ST7: variants seen among roughly 807,000 people sequenced by gnomAD.
The protein encoded by ST7 is suppression of tumorigenicity 7.
A neutral mutation model predicts 78.7 loss-of-function variants in ST7; 28 were observed. The observed-to-expected ratio is 0.36, with a 90% confidence interval of 0.26 to 0.49. ST7 has a LOEUF of 0.49. ST7 is among the 20% of genes least tolerant of loss of function. The pLI, the probability that ST7 is intolerant of heterozygous loss-of-function variation, is 0.99. For missense variants in ST7, 418 were observed against 696.0 expected (o/e 0.60, Z 4.49); for synonymous variants, 247 against 249.6 (o/e 0.99, Z 0.10).
rs144812229 is a variant in ST7 at position 117,013,902 on chromosome 7, CTAGAATTTG to C, written c.151+60223_151+60231del. On this transcript the variant is annotated intron_variant, in intron 1 of 15. Transcript: ENST00000323984. The stretch of plus-strand genomic sequence containing the variant: ...GATCTGTTAAGTGATAATAGTAATC[CTAGAATTTG>C]TAGAATTTGTATTACGCACTTTTGA... Among the ~76,000 whole-genome samples, 679 of 152,044 alleles carry C rather than the reference CTAGAATTTG, an allele frequency of 4.5e-3. 4 individuals carry two copies. Among genetic ancestry groups the C allele is most frequent in the African/African-American group, 0.015 (639 of 41,518 alleles).
chr7:117,048,254 G>A (rs187758056), intron 1 of ST7, among the ~76,000 whole-genome samples: 4 of 151,332 alleles, frequency 2.6e-5, no homozygotes, highest in East Asian at 3.9e-4. Flanking sequence ...AGGGACATTC[G>A]GTATAACTTT....
At chr7:117,215,646 C>T (rs1434348664) in intron 13 of ST7, among the ~76,000 whole-genome samples, 1 of 152,210 alleles carries the variant, frequency 6.6e-6, no homozygotes, top group Non-Finnish European at 1.5e-5. Flanking sequence ...AGGTCCTGCT[C>T]ATCCTTTAGA....
chr7:117,072,342 GCTTA>G (rs1347130214), intron 1 of ST7: 3 of 151,896 alleles, frequency 2.0e-5, no homozygotes, highest in Middle Eastern at 3.2e-3. Context: ...CTTCTGAATG[GCTTA>G]CTTAAAGATT....
chr7:117,175,792 G>C (rs561601386), intron 10 of ST7, among the ~76,000 whole-genome samples: 2 of 152,208 alleles, frequency 1.3e-5, no homozygotes, highest in African/African-American at 4.8e-5. Context: ...GATATTATTC[G>C]CTATTATAAA....
chr7:117,084,702 A>C (rs1800013429), intron 1 of ST7, among the ~76,000 whole-genome samples: 2 of 152,230 alleles, frequency 1.3e-5, no homozygotes, highest in Non-Finnish European at 2.9e-5. Context: ...TGTTTTATGA[A>C]GATTCTATGA....
At chr7:117,099,129 TCATTTATTTCATTGACTC>T (rs1801373165) in intron 1 of ST7, among the ~76,000 whole-genome samples, 1 of 151,206 alleles carries the variant, frequency 6.6e-6, no homozygotes, top group South Asian at 2.1e-4. Flanking sequence ...GGTTTATTTT[TCATTTATTTCATTGACTC>T]CATTTATTTC....
chr7:117,179,894 G>A (rs1364800240), intron 10 of ST7, among the ~76,000 whole-genome samples: 1 of 152,188 alleles, frequency 6.6e-6, no homozygotes, highest in Non-Finnish European at 1.5e-5. Context: ...CTCAGATGTG[G>A]AAGAGTGGAG....
chr7:117,103,143 T>A (rs1364139074), intron 2 of ST7, among the ~76,000 whole-genome samples: 1 of 152,104 alleles, frequency 6.6e-6, no homozygotes, highest in Non-Finnish European at 1.5e-5. Flanking sequence ...ATCATCAAAA[T>A]GACAATACTC....
At chr7:117,046,129 G>A (rs1024357631) in intron 1 of ST7, among the ~76,000 whole-genome samples, 2 of 152,158 alleles carry the variant, frequency 1.3e-5, no homozygotes, top group African/African-American at 4.8e-5. Context: ...AGTGGTATAA[G>A]GAAGAGTCAG....
intron 1 of ST7, among the ~76,000 whole-genome samples, chr7:117,088,523 T>A (rs1175069507): frequency 6.6e-6 from 1 of 152,266 alleles, no homozygotes; most frequent in Non-Finnish European, 1.5e-5. Context: ...AACAATTATC[T>A]GTTCAAACAG....
rs570840725 is a variant in ST7 at position 116,982,760 on chromosome 7, A to G, written c.151+29069A>G. 3.3e-5 allele frequency among the ~76,000 whole-genome samples: 5 copies of G among 152,296 alleles called. No homozygotes were observed. In the South Asian group the frequency reaches 1.0e-3, roughly 32 times the overall value. On this transcript the variant is annotated intron_variant, in intron 1 of 15. Coordinates refer to ENST00000323984, the MANE Select transcript of ST7 (RefSeq NM_001369598.1). ...GATCCCTTTTTCATTTTAGTGGAGAAAAATATTTAGAAGCCAAGATCTGGG... is the reference window on the plus strand; with the variant it reads ...GATCCCTTTTTCATTTTAGTGGAGAGAAATATTTAGAAGCCAAGATCTGGG...
intron 1 of ST7, among the ~76,000 whole-genome samples, chr7:117,067,682 G>A (rs1304675192): frequency 6.6e-6 from 1 of 152,126 alleles, no homozygotes; most frequent in African/African-American, 2.4e-5. Context: ...ATAATTGGAC[G>A]ATGCAAAGAT....
At chr7:116,980,709 G>GT (rs1279533144) in intron 1 of ST7, among the ~76,000 whole-genome samples, 8 of 152,144 alleles carry the variant, frequency 5.3e-5, no homozygotes, top group Non-Finnish European at 8.8e-5. Context: ...GTACAGTACA[G>GT]TTTTTTCTTC....
Position 117,119,735 on chromosome 7 carries a change from T to A in ST7, c.394+15T>A. 1.2e-6 allele frequency: 2 copies of A among 1,609,172 alleles called. No homozygotes were observed. The highest frequency in any genetic ancestry group is 1.7e-6 in the Non-Finnish European group (2 of 1,178,986). On this transcript the variant is annotated intron_variant, in intron 3 of 15. Transcript: ENST00000323984. ...AAGTGTCTCAGGTATGGAATTTCCT[T>A]CAGTTTGCAATATTATTTGCTTACT...
intron 13 of ST7, 121 bp downstream of exon 13, chr7:117,210,058 G>C: frequency 1.7e-6 from 2 of 1,166,010 alleles, no homozygotes; most frequent in Non-Finnish European, 2.3e-6. Flanking sequence ...TTCTGTGATG[G>C]CCCATCTAAG....
chr7:117,020,045 TGCGCAG>T (rs2116014526), intron 1 of ST7: 1 of 152,440 alleles, frequency 6.6e-6, no homozygotes, highest in South Asian at 2.1e-4. Context: ...GATGAAGAGC[TGCGCAG>T]GAGGGGAGTG....
intron 1 of ST7, among the ~76,000 whole-genome samples, chr7:117,077,048 G>A (rs1799398162): frequency 6.6e-6 from 1 of 152,154 alleles, no homozygotes; most frequent in African/African-American, 2.4e-5. Context: ...GGGACAGGGG[G>A]CTATGTAATC....
intron 1 of ST7, chr7:116,972,103 G>A: frequency 1.9e-6 from 1 of 537,314 alleles, no homozygotes; most frequent in Admixed American, 2.0e-5. Flanking sequence ...GCTTCAGGCA[G>A]GCTGGCCTCA....
At chr7:117,041,073 G>C (rs9969267) in intron 1 of ST7, among the ~76,000 whole-genome samples, 8,224 of 152,146 alleles carry the variant, frequency 0.054, 765 homozygotes, top group African/African-American at 0.18. Context: ...GGGGAACAGC[G>C]CTTCAGGGCT....
Sources: allele counts gnomAD v4.1 joint callset (sites outside exome capture counted in the v4.1 genomes callset), GRCh38; gene constraint gnomAD v4.1.1; transcripts MANE v1.5; gene names NCBI Gene and HGNC (gene_info 2026-07-23, HGNC 2026-07-21).